The following PDE6C variants were observed in gnomAD, a reference collection of about 807,000 sequenced individuals.
PDE6C encodes phosphodiesterase 6C.
In PDE6C, 75 loss-of-function variants were observed where a neutral mutation model predicts 113.1. The observed-to-expected ratio is 0.66, with a 90% CI of 0.55 to 0.80. PDE6C has a LOEUF of 0.80. Ranked by LOEUF, PDE6C falls within the 30% of genes least tolerant of loss-of-function variation. PDE6C has a pLI of 0.00. For missense variants in PDE6C, 912 were observed against 1,038.6 expected (o/e 0.88, Z 1.67); for synonymous variants, 375 against 363.7 (o/e 1.03, Z -0.35).
chr10:93,659,083 AT>A lies in PDE6C; in HGVS notation c.2145-15del, dbSNP rs754266983. ...ATTTTGTACTTATTTCTATTTTAAA[AT>A]TTTTTGTTTTCTTCCTAAGGGCAAT... On this transcript the variant is annotated intron_variant, in intron 17 of 21. Coordinates refer to ENST00000371447, the MANE Select transcript of PDE6C (RefSeq NM_006204.4). The A allele has an allele frequency of 2.6e-5, 42 of 1,602,460 alleles. No individual in the cohort carries two copies. The highest frequency in any genetic ancestry group is 2.0e-4 in the Middle Eastern group (1 of 5,124).
At position 93,626,909 on chromosome 10, in the gene PDE6C, G is replaced by T. The variant is rs554459097; in HGVS notation, c.1071+38G>T. ...ACAAATTCAAATTTTAAATAATATT[G>T]CAAGAAACTCTTATTAGCTAAGAGA... On this transcript the variant is annotated intron_variant, in intron 7 of 21. Transcript: ENST00000371447. 1.1e-5 allele frequency: 17 copies of T among 1,516,184 alleles called. No individual in the cohort carries two copies. The South Asian group carries it at 1.6e-4, about 14-fold the overall frequency. 93.9% of individuals were successfully genotyped at this position (1,516,184 alleles called of 1,614,324 possible). A position where few individuals can be genotyped will look rare whatever the true frequency, so the allele number is the denominator to read the frequency against.
intron 15 of PDE6C, 151 bp from the exon 16 acceptor site, chr10:93,655,608 GC>G (rs2058632858): frequency 3.6e-5 from 16 of 439,626 alleles, no homozygotes; most frequent in African/African-American, 7.7e-5. Flanking sequence ...CTAAAAGCAA[GC>G]CAAAAAAAAA....
At chr10:93,629,417 C>T (rs1258936788) in intron 8 of PDE6C, 112 bp downstream of exon 8, 3 of 822,976 alleles carry the variant, frequency 3.6e-6, no homozygotes, top group Non-Finnish European at 6.5e-6. Flanking sequence ...TGGCCACAGG[C>T]ACACACGGGT....
At chr10:93,616,362 C>T (rs2134590380) in intron 1 of PDE6C, among the ~76,000 whole-genome samples, 1 of 152,276 alleles carries the variant, frequency 6.6e-6, no homozygotes, top group South Asian at 2.1e-4. Context: ...ATGAAGGTAA[C>T]AGGGAAGCCA....
chr10:93,630,927 A>G (rs1388707752), intron 8 of PDE6C, among the ~76,000 whole-genome samples: 1 of 152,136 alleles, frequency 6.6e-6, no homozygotes, highest in African/African-American at 2.4e-5. Flanking sequence ...TGACCCCTAT[A>G]TTTATGGCAC....
chr10:93,662,893 C>A, intron 20 of PDE6C, 135 bp from the exon 21 acceptor site: 1 of 795,218 alleles, frequency 1.3e-6, no homozygotes, highest in Non-Finnish European at 2.1e-6. Context: ...TCCCAAACTT[C>A]ATAGGCCCGT....
Position 93,663,099 on chromosome 10 carries a change from A to G in PDE6C, c.2439A>G (p.Lys813=). 6.2e-7 allele frequency: 1 copy of G among 1,613,598 alleles called. No individual in the cohort carries two copies. Among genetic ancestry groups the G allele is most frequent in the Admixed American group, 1.7e-5 (1 of 59,990 alleles). Reference sequence around the variant, plus strand: ...TTCAGAATAACAGAGTAGAATGGAAATCACTAGCTGATGAGTATGATGCAA... The same window carrying G: ...TTCAGAATAACAGAGTAGAATGGAAGTCACTAGCTGATGAGTATGATGCAA... The part of the protein sequence containing the change: ...SGLQNNRVEW[K]SLADEYDAKM... The change falls in exon 21 of 22, where the codon AAA becomes AAG. Residue 813 remains lysine, a synonymous_variant. Coordinates refer to ENST00000371447, the MANE Select transcript of PDE6C (RefSeq NM_006204.4).
At chr10:93,653,925 A>G (rs1297680052) in intron 15 of PDE6C, among the ~76,000 whole-genome samples, 1 of 152,200 alleles carries the variant, frequency 6.6e-6, no homozygotes, top group Non-Finnish European at 1.5e-5. Flanking sequence ...TATATAAGGC[A>G]TAGTGTAGTG....
intron 14 of PDE6C, among the ~76,000 whole-genome samples, chr10:93,645,293 C>T (rs1261820105): frequency 2.0e-5 from 3 of 152,194 alleles, no homozygotes; most frequent in Non-Finnish European, 2.9e-5. Flanking sequence ...ATGACCTCTC[C>T]CAGCCTAAAG....
At chr10:93,639,168 G>A (rs764477600) in intron 11 of PDE6C, among the ~76,000 whole-genome samples, 4 of 151,992 alleles carry the variant, frequency 2.6e-5, no homozygotes, top group Non-Finnish European at 5.9e-5. Context: ...TCGTCTCTCC[G>A]CTTCCTTCTG....
At position 93,616,652 on chromosome 10, in the gene PDE6C, C is replaced by CTTTTTT. The variant is rs11418985; in HGVS notation, c.480+3462_480+3467dup. ...TTAAAACAAGTTGAAGGCAGGAAGACTTTTTTTTTTTTTTTTTTTTGAGAC... is the reference window on the plus strand; with the variant it reads ...TTAAAACAAGTTGAAGGCAGGAAGACTTTTTTTTTTTTTTTTTTTTTTTTTTGAGAC... On this transcript the variant is annotated intron_variant, in intron 1 of 21. Coordinates refer to ENST00000371447, the MANE Select transcript of PDE6C (RefSeq NM_006204.4). Among the ~76,000 whole-genome samples the CTTTTTT allele has an allele frequency of 4.2e-5, 5 of 118,466 alleles. 1 individual carries two copies. Among genetic ancestry groups the CTTTTTT allele is most frequent in the Non-Finnish European group, 6.7e-5 (4 of 59,394 alleles). 77.7% of individuals were successfully genotyped at this position (118,466 alleles called of 152,430 possible). A position where few individuals can be genotyped will look rare whatever the true frequency, so the allele number is the denominator to read the frequency against.
intron 14 of PDE6C, among the ~76,000 whole-genome samples, chr10:93,645,668 T>G (rs1265108957): frequency 6.6e-6 from 1 of 152,110 alleles, no homozygotes; most frequent in Non-Finnish European, 1.5e-5. Flanking sequence ...TAAGTCATAG[T>G]CCACCGCCAT....
chr10:93,652,366 G>A (rs1215838589), intron 15 of PDE6C, among the ~76,000 whole-genome samples: 2 of 152,144 alleles, frequency 1.3e-5, no homozygotes, highest in Non-Finnish European at 2.9e-5. Flanking sequence ...GTGTGAAAGG[G>A]AGAACAGAGA....
chr10:93,626,834 T>C lies in PDE6C; in HGVS notation c.1034T>C (p.Ile345Thr). Reference sequence around the variant, plus strand: ...CCTCCTGCAGACCACTGGACACTCATTAGTGGGTTGCCAACATATGTTGCT... The same window carrying C: ...CCTCCTGCAGACCACTGGACACTCACTAGTGGGTTGCCAACATATGTTGCT... ...PTPPADHWTL[I>T]SGLPTYVAEN... Residue 345 changes from isoleucine to threonine, a missense_variant, in exon 7 of 22, where the codon ATT becomes ACT. By Grantham distance (89) the Ile-to-Thr change is moderately conservative. Transcript: ENST00000371447. 1 of 1,614,018 alleles carries C rather than the reference T, an allele frequency of 6.2e-7. No homozygotes were observed. The highest frequency in any genetic ancestry group is 8.5e-7 in the Non-Finnish European group (1 of 1,179,954).
chr10:93,635,683 A>G, intron 10 of PDE6C, 43 bp downstream of exon 10: 9 of 1,596,254 alleles, frequency 5.6e-6, no homozygotes, highest in Non-Finnish European at 7.7e-6. Flanking sequence ...ATGTTACCTA[A>G]CCACATATTC....
At position 93,639,778 on chromosome 10, in the gene PDE6C, T is replaced by A. The variant is rs554062; in HGVS notation, c.1483-292T>A. Among the ~76,000 whole-genome samples, 45,896 of 152,098 alleles carry A rather than the reference T, an allele frequency of 0.3. 7,075 individuals carry two copies. Among genetic ancestry groups the A allele is most frequent in the Admixed American group, 0.38 (5,740 of 15,274 alleles). ...AACTAAACATTTTATTTTGCATCAT[T>A]GAAAGAAAAGAGCTACTGGAGTTGG... is the stretch of plus-strand genomic sequence containing the variant. On this transcript the variant is annotated intron_variant, in intron 11 of 21. Coordinates refer to ENST00000371447, the MANE Select transcript of PDE6C (RefSeq NM_006204.4).
At chr10:93,618,278 C>T (rs2058429565) in intron 1 of PDE6C, among the ~76,000 whole-genome samples, 1 of 152,080 alleles carries the variant, frequency 6.6e-6, no homozygotes, top group Non-Finnish European at 1.5e-5. Context: ...TACTATGTGC[C>T]AGACACTCTT....
chr10:93,660,959 C>T (rs959866175), intron 18 of PDE6C, among the ~76,000 whole-genome samples: 5 of 152,162 alleles, frequency 3.3e-5, no homozygotes, highest in African/African-American at 1.2e-4. Flanking sequence ...AAGGCTCATA[C>T]TCCCCATTGC....
At chr10:93,653,024 G>T (rs1044504683) in intron 15 of PDE6C, among the ~76,000 whole-genome samples, 2 of 152,024 alleles carry the variant, frequency 1.3e-5, no homozygotes, top group Non-Finnish European at 2.9e-5. Flanking sequence ...AGCAATCAAG[G>T]TTGGCTTCAA....
Sources: allele counts gnomAD v4.1 joint callset (sites outside exome capture counted in the v4.1 genomes callset), GRCh38; gene constraint gnomAD v4.1.1; transcripts MANE v1.5; gene names NCBI Gene and HGNC (gene_info 2026-07-23, HGNC 2026-07-21).